The following DSE variants were observed in gnomAD, a reference collection of about 807,000 sequenced individuals.
The protein encoded by DSE is dermatan sulfate epimerase.
A neutral mutation model predicts 84.4 loss-of-function variants in DSE; 36 were observed. The ratio of observed to expected loss-of-function variants is 0.43; its 90% confidence interval spans 0.33 to 0.56. The LOEUF (loss-of-function observed/expected upper bound fraction) is 0.56, where lower values mean the gene tolerates loss of function less well. DSE is among the 20% of genes least tolerant of loss of function. DSE has a pLI of 0.06. For missense variants in DSE, 862 were observed against 1,169.6 expected, an observed-to-expected ratio of 0.74 and a Z score of 3.84; for synonymous variants, 410 against 430.1, an observed-to-expected ratio of 0.95 and a Z score of 0.58.
In DSE at chr6:116,259,027, A is replaced by G. The variant is rs1772285565; in HGVS notation, c.-54+60A>G. 3.3e-6 allele frequency: 5 copies of G among 1,506,446 alleles called. 1 individual carries two copies. In the Admixed American group the frequency reaches 8.5e-5, roughly 26 times the overall value. The allele number at this position is 1,506,446 out of a possible 1,614,324, so 93.3% of individuals were successfully genotyped here. ...GTAATCCTGCAGGGAAATGTCACTG[A>G]TGTGCACATCATCAGTGCTCCACTT... On this transcript the variant is annotated intron_variant, in intron 2 of 3. Transcript: ENST00000430252.
At position 116,427,779 on chromosome 6, in the gene DSE, G is replaced by A. The variant is rs143439928; in HGVS notation, c.670+952G>A. On this transcript the variant is annotated intron_variant, in intron 3 of 5. Transcript: ENST00000644252. Reference sequence around the variant, plus strand: ...GTTCAATCTCTTTCTGCTGTATTTTGTTATCTCTGTCAGAAGGGGAATTCC... The same window carrying A: ...GTTCAATCTCTTTCTGCTGTATTTTATTATCTCTGTCAGAAGGGGAATTCC... 3.2e-3 allele frequency among the ~76,000 whole-genome samples: 483 copies of A among 152,282 alleles called. 3 individuals carry two copies. Among genetic ancestry groups the A allele is most frequent in the African/African-American group, 0.011 (461 of 41,554 alleles).
chr6:116,421,444 T>C (rs1221343713), intron 2 of DSE, among the ~76,000 whole-genome samples: 1 of 59,594 alleles, frequency 1.7e-5, no homozygotes, highest in Non-Finnish European at 3.1e-5. Context: ...TATATATACA[T>C]ATATATATAT....
intron 2 of DSE, among the ~76,000 whole-genome samples, chr6:116,358,674 T>G (rs1778714850): frequency 6.6e-6 from 1 of 152,202 alleles, no homozygotes; most frequent in Non-Finnish European, 1.5e-5. Flanking sequence ...TACGTGGTCC[T>G]TGGACAAACA....
rs964774951 is a variant in DSE at position 116,444,352 on chromosome 6, T to C, written c.*7007T>C. 1 of 152,236 alleles carries C rather than the reference T, an allele frequency of 6.6e-6. No individual in the cohort carries two copies. Among genetic ancestry groups the C allele is most frequent in the South Asian group, 2.1e-4 (1 of 4,832 alleles). 9.4% of individuals were successfully genotyped at this position (152,236 alleles called of 1,614,324 possible). On this transcript the variant is annotated 3_prime_UTR_variant, in exon 6 of 6. Coordinates refer to ENST00000644252, the MANE Select transcript of DSE (RefSeq NM_013352.4). ...CTACAATCCTTTAGGGCAGGGATTG[T>C]GTCTCTTGCTCGTTGTATATACATG...
At chr6:116,431,652 A>G (rs1185167215) in intron 4 of DSE, among the ~76,000 whole-genome samples, 1 of 152,166 alleles carries the variant, frequency 6.6e-6, no homozygotes, top group Non-Finnish European at 1.5e-5. Context: ...ACACCTACAC[A>G]TTTAAGTTGG....
intron 3 of DSE, 123 bp downstream of exon 3, chr6:116,426,950 A>G: frequency 7.5e-7 from 1 of 1,326,812 alleles, no homozygotes; most frequent in Admixed American, 2.7e-5. Flanking sequence ...AACTAAACCC[A>G]TGAAATGAAG....
At chr6:116,254,436 G>C (rs1772059524) in intron 1 of DSE, 1 of 364,716 alleles carries the variant, frequency 2.7e-6, no homozygotes, top group Non-Finnish European at 5.5e-6. Flanking sequence ...GAGTAGGAAA[G>C]TGGATTCACG....
intron 2 of DSE, among the ~76,000 whole-genome samples, chr6:116,409,219 A>G (rs1342602605): frequency 1.3e-5 from 2 of 152,212 alleles, no homozygotes; most frequent in Non-Finnish European, 2.9e-5. Flanking sequence ...GGCAATTTTC[A>G]TTTATCGATA....
At chr6:116,318,782 G>T (rs1179089629) in intron 2 of DSE, among the ~76,000 whole-genome samples, 1 of 152,180 alleles carries the variant, frequency 6.6e-6, no homozygotes, top group East Asian at 1.9e-4. Context: ...TACCCAAAGA[G>T]TAAAGTGAAT....
intron 2 of DSE, among the ~76,000 whole-genome samples, chr6:116,285,689 A>C (rs1390018422): frequency 6.6e-6 from 1 of 152,158 alleles, no homozygotes; most frequent in Non-Finnish European, 1.5e-5. Context: ...TCTTGAATTA[A>C]TTTTTGTATG....
chr6:116,351,949 C>A (rs1051371420), intron 2 of DSE, among the ~76,000 whole-genome samples: 2 of 152,178 alleles, frequency 1.3e-5, no homozygotes, highest in Non-Finnish European at 2.9e-5. Flanking sequence ...TTTCTAGTAA[C>A]TGCAGTTCTT....
At position 116,289,205 on chromosome 6, in the gene DSE, C is replaced by A. The variant is rs530390519; in HGVS notation, c.-54+30238C>A. ...AAAATGTGTACTTGGTGGGACAAAC[C>A]CCTACTGTATTTTTAGTAAGGTAAA... On this transcript the variant is annotated intron_variant, in intron 2 of 3. Coordinates refer to the DSE transcript ENST00000430252. Among the ~76,000 whole-genome samples, 15 of 151,682 alleles carry A rather than the reference C, an allele frequency of 9.9e-5. 1 individual carries two copies. In the South Asian group the frequency reaches 3.1e-3, roughly 32 times the overall value.
intron 2 of DSE, chr6:116,355,794 A>G (rs1369275275): frequency 6.6e-6 from 1 of 152,244 alleles, no homozygotes; most frequent in East Asian, 1.9e-4. Context: ...CATCAAGGCA[A>G]CAAGTGGACA....
chr6:116,418,562 A>G (rs1187282400), intron 2 of DSE, among the ~76,000 whole-genome samples: 1 of 152,126 alleles, frequency 6.6e-6, no homozygotes, highest in East Asian at 1.9e-4. Flanking sequence ...GAATGGCAGT[A>G]TCTCTTCTTC....
chr6:116,312,921 G>A (rs1178244604), intron 2 of DSE, among the ~76,000 whole-genome samples: 2 of 152,102 alleles, frequency 1.3e-5, no homozygotes, highest in Non-Finnish European at 2.9e-5. Flanking sequence ...ATAGAGCAAG[G>A]CAAGAGATTA....
intron 2 of DSE, among the ~76,000 whole-genome samples, chr6:116,294,233 G>A (rs969017234): frequency 1.3e-5 from 2 of 151,804 alleles, no homozygotes; most frequent in Non-Finnish European, 2.9e-5. Context: ...ATGCTGCCCA[G>A]GCTGGTCTTG....
At chr6:116,381,520 C>T (rs1177828762) in intron 1 of DSE, among the ~76,000 whole-genome samples, 2 of 152,106 alleles carry the variant, frequency 1.3e-5, no homozygotes, top group South Asian at 4.1e-4. Context: ...GCATTTATGT[C>T]TTGGCTTCTT....
chr6:116,372,794 A>G (rs1779685952), intron 1 of DSE, among the ~76,000 whole-genome samples: 1 of 152,172 alleles, frequency 6.6e-6, no homozygotes, highest in South Asian at 2.1e-4. Flanking sequence ...AAAAAGTGCA[A>G]GATAGTGCTG....
intron 1 of DSE, chr6:116,375,563 A>G: frequency 2.0e-6 from 2 of 984,752 alleles, no homozygotes; most frequent in Non-Finnish European, 2.4e-6. Context: ...ATCTCACTTT[A>G]GTGTTTCACA....
Sources: gnomAD v4.1 joint callset for allele counts (sites outside exome capture counted in the v4.1 genomes callset) on GRCh38, gnomAD v4.1.1 for gene constraint, MANE v1.5 for transcripts, NCBI Gene and HGNC (gene_info 2026-07-23, HGNC 2026-07-21) for gene names.